Variants in RUNX2 observed in about 807,000 individuals in gnomAD.
RUNX2 encodes RUNX family transcription factor 2.
In RUNX2, 10 loss-of-function variants were observed where a neutral mutation model predicts 51.7. The observed-to-expected ratio is 0.19, with a 90% confidence interval of 0.12 to 0.33. RUNX2 has a LOEUF of 0.33. Among genes scored for constraint, RUNX2 ranks in the 10% least tolerant of loss-of-function variants. The probability of loss-of-function intolerance (pLI) is 1.00; values close to 1 mark genes in which losing one functional copy is unlikely to be tolerated. For synonymous variants in RUNX2, 276 were observed against 273.6 expected (o/e 1.01, Z -0.09); for missense variants, 562 against 691.3 (o/e 0.81, Z 2.10).
In RUNX2 at chr6:45,412,187, CA is replaced by C. The variant is rs35549153; in HGVS notation, c.59-10387del. ...ACATGCCCAGTATCTATAAAAAATACAAAAAAAAAAAAAAAAAAATTAGCCG... is the reference window on the plus strand; with the variant it reads ...ACATGCCCAGTATCTATAAAAAATACAAAAAAAAAAAAAAAAAATTAGCCG... On this transcript the variant is annotated intron_variant, in intron 2 of 8. Transcript: ENST00000647337. 5.0e-3 allele frequency among the ~76,000 whole-genome samples: 597 copies of C among 119,918 alleles called. 12 individuals are homozygous for C. Among genetic ancestry groups the C allele is most frequent in the Admixed American group, 0.035 (384 of 10,962 alleles). 78.7% of individuals were successfully genotyped at this position (119,918 alleles called of 152,430 possible).
chr6:45,405,307 T>C (rs1320375688), intron 2 of RUNX2, among the ~76,000 whole-genome samples: 1 of 152,236 alleles, frequency 6.6e-6, no homozygotes, highest in African/African-American at 2.4e-5. Flanking sequence ...AGACCATCAC[T>C]ACCATAAGGG....
At chr6:45,465,877 C>T (rs6905689) in intron 5 of RUNX2, among the ~76,000 whole-genome samples, 7,948 of 151,502 alleles carry the variant, frequency 0.052, 537 homozygotes, top group East Asian at 0.17. Flanking sequence ...AACTGCTGGA[C>T]GCAAGCAATA....
chr6:45,374,935 G>A (rs148734537), intron 2 of RUNX2, among the ~76,000 whole-genome samples: 1,896 of 152,270 alleles, frequency 0.012, 11 homozygotes, highest in Middle Eastern at 0.024. Context: ...GGCCGGGCAC[G>A]GTGGCTCACA....
At chr6:45,437,897 A>C in intron 4 of RUNX2, 50 bp from the exon 5 acceptor site, 2 of 1,324,352 alleles carry the variant, frequency 1.5e-6, no homozygotes, top group Non-Finnish European at 2.2e-6. Context: ...TGTAATCATC[A>C]ACACTGTTTT....
At chr6:45,458,316 C>T (rs973646688) in intron 5 of RUNX2, among the ~76,000 whole-genome samples, 3 of 152,140 alleles carry the variant, frequency 2.0e-5, no homozygotes, top group South Asian at 2.1e-4. Flanking sequence ...CATGAGCCAC[C>T]GTGCCCGGCT....
chr6:45,444,749 T>A (rs561798960), intron 5 of RUNX2, among the ~76,000 whole-genome samples: 7 of 151,960 alleles, frequency 4.6e-5, no homozygotes, highest in Non-Finnish European at 7.4e-5. Flanking sequence ...CTTAACAAAC[T>A]TGAGTGAACA....
intron 2 of RUNX2, among the ~76,000 whole-genome samples, chr6:45,342,265 T>C (rs1056160480): frequency 1.4e-4 from 22 of 152,136 alleles, no homozygotes; most frequent in African/African-American, 5.3e-4. Flanking sequence ...TATAACACAA[T>C]CTCAATTTTT....
At chr6:45,466,343 C>T (rs1799629980) in intron 5 of RUNX2, among the ~76,000 whole-genome samples, 1 of 151,762 alleles carries the variant, frequency 6.6e-6, no homozygotes, top group Non-Finnish European at 1.5e-5. Flanking sequence ...AAAATAATAA[C>T]TAATATTATA....
chr6:45,499,236 C>T (rs956342202), intron 6 of RUNX2, among the ~76,000 whole-genome samples: 1 of 152,182 alleles, frequency 6.6e-6, no homozygotes, highest in Non-Finnish European at 1.5e-5. Context: ...GGAAGTTTTG[C>T]CCTGTCTTCT....
In RUNX2 at chr6:45,547,359, A is replaced by G. The variant is rs1293760013; in HGVS notation, c.*54A>G. The G allele has an allele frequency of 7.9e-7, 1 of 1,272,306 alleles. No individual in the cohort carries two copies. The highest frequency in any genetic ancestry group is 1.7e-5 in the Admixed American group (1 of 59,604). The allele number at this position is 1,272,306 out of a possible 1,614,324, so 78.8% of individuals were successfully genotyped here. ...TGGGGGCCACATCCCACACGTATCA[A>G]TATATACATATATAGAGAGAGTGCA... On this transcript the variant is annotated 3_prime_UTR_variant, in exon 9 of 9. Coordinates refer to ENST00000647337, the MANE Select transcript of RUNX2 (RefSeq NM_001024630.4).
chr6:45,408,141 G>A (rs1026473547), intron 2 of RUNX2, among the ~76,000 whole-genome samples: 13 of 151,894 alleles, frequency 8.6e-5, no homozygotes, highest in Admixed American at 3.9e-4. Context: ...GAGGCTCTGT[G>A]TGGAGGCCAG....
At chr6:45,477,951 T>A (rs760599456) in intron 5 of RUNX2, among the ~76,000 whole-genome samples, 1 of 152,074 alleles carries the variant, frequency 6.6e-6, no homozygotes, top group Non-Finnish European at 1.5e-5. Flanking sequence ...CCCACACACC[T>A]GTGGCTGAGC....
chr6:45,489,833 A>G (rs1800407330), intron 5 of RUNX2, among the ~76,000 whole-genome samples: 1 of 152,198 alleles, frequency 6.6e-6, no homozygotes, highest in Non-Finnish European at 1.5e-5. Flanking sequence ...GGCTACAGCC[A>G]TTTGTTTAGG....
intron 4 of RUNX2, among the ~76,000 whole-genome samples, chr6:45,434,873 A>G (rs186553078): frequency 2.5e-4 from 38 of 152,326 alleles, no homozygotes; most frequent in African/African-American, 8.7e-4. Flanking sequence ...AAATTAATTT[A>G]AGGAAATCAT....
Position 45,488,201 on chromosome 6 carries a change from C to T in RUNX2, c.686-3740C>T, listed in dbSNP as rs1467576001. Among the ~76,000 whole-genome samples the T allele has an allele frequency of 5.9e-5, 9 of 151,996 alleles. No homozygotes were observed. The East Asian group carries it at 1.2e-3, about 20-fold the overall frequency. On this transcript the variant is annotated intron_variant, in intron 5 of 8. Transcript: ENST00000647337. ...GCATTCAGAAAGAAATGGCAGGACTCGGTAATGGATTGAATGTGGAGAGTG... is the reference window on the plus strand; with the variant it reads ...GCATTCAGAAAGAAATGGCAGGACTTGGTAATGGATTGAATGTGGAGAGTG...
chr6:45,474,269 A>G (rs1799889083), intron 5 of RUNX2, among the ~76,000 whole-genome samples: 1 of 152,086 alleles, frequency 6.6e-6, no homozygotes, highest in South Asian at 2.1e-4. Context: ...TAAAAGGTAA[A>G]GTGAATAAAA....
intron 5 of RUNX2, among the ~76,000 whole-genome samples, chr6:45,474,539 T>C (rs1002468472): frequency 3.9e-5 from 6 of 152,228 alleles, no homozygotes; most frequent in African/African-American, 1.2e-4. Context: ...TCGATGTTTG[T>C]TCACATCTGT....
intron 2 of RUNX2, chr6:45,420,980 G>T (rs1388912480): frequency 6.6e-6 from 1 of 152,040 alleles, no homozygotes; most frequent in Non-Finnish European, 1.5e-5. Context: ...TTTTTTCCGC[G>T]CTCCTTCATC....
chr6:45,342,494 C>T lies in RUNX2; in HGVS notation c.58+13710C>T, dbSNP rs981993739. 3.9e-5 allele frequency among the ~76,000 whole-genome samples: 6 copies of T among 152,064 alleles called. No homozygotes were observed. In the East Asian group the frequency reaches 9.7e-4, roughly 25 times the overall value. ...CAGGATGGTCTCGATCTTCTGACCT[C>T]GTAATCCACCCGCCTTGGCCTCCCA... On this transcript the variant is annotated intron_variant, in intron 2 of 8. Transcript: ENST00000647337.
Sources: gnomAD v4.1 joint callset for allele counts (sites outside exome capture counted in the v4.1 genomes callset) on GRCh38, gnomAD v4.1.1 for gene constraint, MANE v1.5 for transcripts, NCBI Gene and HGNC (gene_info 2026-07-23, HGNC 2026-07-21) for gene names.